Variants in PANX1 observed in about 807,000 individuals in gnomAD.
PANX1 encodes pannexin 1.
In PANX1, 30 loss-of-function variants were observed where a neutral mutation model predicts 38.7. The ratio of observed to expected loss-of-function variants is 0.78; its 90% CI spans 0.58 to 1.05. The LOEUF is 1.05. Ranked by LOEUF, PANX1 falls within the 50% of genes least tolerant of loss-of-function variation. The pLI is 0.00. For missense variants in PANX1, 551 were observed against 517.2 expected, an observed-to-expected ratio of 1.07 and a Z score of -0.63; for synonymous variants, 230 against 212.2, an observed-to-expected ratio of 1.08 and a Z score of -0.73.
intron 3 of PANX1, 114 bp downstream of exon 3, chr11:94,178,706 G>A (rs1947266101): frequency 1.3e-6 from 1 of 753,372 alleles, no homozygotes; most frequent in Non-Finnish European, 2.2e-6. Context: ...AGGAGTGGAA[G>A]CAGGGGGACG....
chr11:94,152,560 G>C (rs1450300485), intron 1 of PANX1, among the ~76,000 whole-genome samples: 1 of 151,776 alleles, frequency 6.6e-6, no homozygotes, highest in Non-Finnish European at 1.5e-5. Context: ...GAATGTGCCA[G>C]GTGGGGACAG....
At chr11:94,165,862 G>T (rs1591521254) in intron 2 of PANX1, among the ~76,000 whole-genome samples, 2 of 152,174 alleles carry the variant, frequency 1.3e-5, no homozygotes, top group African/African-American at 4.8e-5. Flanking sequence ...GCAGTGAGCT[G>T]AGATCGCACC....
At chr11:94,168,104 A>AT (rs200723786) in intron 2 of PANX1, among the ~76,000 whole-genome samples, 23 of 152,098 alleles carry the variant, frequency 1.5e-4, no homozygotes, top group East Asian at 7.7e-4. Flanking sequence ...TTTCTTCACA[A>AT]TTTTTTTTCC....
rs1947016663 is a variant in PANX1, at chr11:94,160,675, A to G, written c.321+7045A>G. ...GCACACTGATGGGTCTTGAGTCTTT[A>G]TCCAATTTGCCAGTCTGTGTCTTTT... On this transcript the variant is annotated intron_variant, in intron 2 of 4. Coordinates refer to ENST00000227638, the MANE Select transcript of PANX1 (RefSeq NM_015368.4). 2.6e-5 allele frequency among the ~76,000 whole-genome samples: 4 copies of G among 152,092 alleles called. No individual in the cohort carries two copies. The South Asian group carries it at 8.3e-4, about 32-fold the overall frequency.
chr11:94,172,020 CAAT>C (rs934809162), intron 2 of PANX1, among the ~76,000 whole-genome samples: 1 of 150,704 alleles, frequency 6.6e-6, no homozygotes, highest in Admixed American at 6.6e-5. Context: ...CTGAAAAAAA[CAAT>C]AAGAAAAACA....
At chr11:94,133,147 G>T (rs1946650744) in intron 1 of PANX1, among the ~76,000 whole-genome samples, 1 of 152,220 alleles carries the variant, frequency 6.6e-6, no homozygotes, top group Non-Finnish European at 1.5e-5. Context: ...CCAGCATGGT[G>T]GCTGCAGGTG....
At chr11:94,129,542 G>C in intron 1 of PANX1, 49 bp downstream of exon 1, 1 of 1,528,172 alleles carries the variant, frequency 6.5e-7, no homozygotes, top group East Asian at 2.3e-5. Flanking sequence ...GTCTGGCCCG[G>C]TGAGCTGCGA....
intron 1 of PANX1, among the ~76,000 whole-genome samples, chr11:94,140,087 A>G (rs1946744145): frequency 6.6e-6 from 1 of 152,240 alleles, no homozygotes; most frequent in Non-Finnish European, 1.5e-5. Flanking sequence ...GAAAAAGATT[A>G]CAACTTCCAG....
At chr11:94,148,019 C>G (rs1403056876) in intron 1 of PANX1, among the ~76,000 whole-genome samples, 1 of 151,858 alleles carries the variant, frequency 6.6e-6, no homozygotes, top group Admixed American at 6.6e-5. Context: ...CCAGGCTTAG[C>G]TGTGGGAAAG....
At chr11:94,145,355 A>C (rs1946816179) in intron 1 of PANX1, among the ~76,000 whole-genome samples, 1 of 152,240 alleles carries the variant, frequency 6.6e-6, no homozygotes, top group East Asian at 1.9e-4. Flanking sequence ...TGGTTTAAAA[A>C]AAAATTGCAT....
intron 2 of PANX1, chr11:94,175,605 C>G (rs1217892290): frequency 3.6e-6 from 1 of 278,706 alleles, no homozygotes; most frequent in Non-Finnish European, 5.4e-6. Flanking sequence ...AAAAAGTTTT[C>G]TCCCTGTGGT....
intron 3 of PANX1, among the ~76,000 whole-genome samples, chr11:94,179,305 G>C (rs1217044305): frequency 6.6e-6 from 1 of 152,106 alleles, no homozygotes; most frequent in Non-Finnish European, 1.5e-5. Flanking sequence ...GCCTGTAAGA[G>C]GCGTATGCTT....
At chr11:94,146,387 C>T (rs1946828882) in intron 1 of PANX1, among the ~76,000 whole-genome samples, 1 of 152,194 alleles carries the variant, frequency 6.6e-6, no homozygotes. Flanking sequence ...GTATTTGATT[C>T]ACCACTGGGT....
At chr11:94,159,649 C>A (rs1479834682) in intron 2 of PANX1, among the ~76,000 whole-genome samples, 1 of 151,858 alleles carries the variant, frequency 6.6e-6, no homozygotes, top group Non-Finnish European at 1.5e-5. Context: ...AGCGGTCTAT[C>A]AATTTTGTTG....
At position 94,181,916 on chromosome 11, in the gene PANX1, T is replaced by C. The variant is rs1272089066; in HGVS notation, c.*1047T>C. On this transcript the variant is annotated 3_prime_UTR_variant, in exon 5 of 5. Transcript: ENST00000227638. ...GAATTGAGGCCATTTGGGAAGAAAA[T>C]TCTAGCACTGGTGGAGAATTATAGA... 1.3e-5 allele frequency: 2 copies of C among 152,198 alleles called. No individual in the cohort carries two copies. The highest frequency in any genetic ancestry group is 4.8e-5 in the African/African-American group (2 of 41,446). The allele number at this position is 152,198 out of a possible 1,614,324, so 9.4% of individuals were successfully genotyped here. A position where few individuals can be genotyped will look rare whatever the true frequency, so the allele number is the denominator to read the frequency against.
At chr11:94,159,250 G>A (rs1006590112) in intron 2 of PANX1, among the ~76,000 whole-genome samples, 3 of 152,140 alleles carry the variant, frequency 2.0e-5, no homozygotes, top group East Asian at 3.9e-4. Flanking sequence ...TTGGTATCAG[G>A]ATGATGCTGG....
At chr11:94,134,104 G>T (rs1057326979) in intron 1 of PANX1, among the ~76,000 whole-genome samples, 13 of 152,208 alleles carry the variant, frequency 8.5e-5, no homozygotes, top group Non-Finnish European at 1.5e-4. Flanking sequence ...GTTATATTGC[G>T]TGTGCCTCAG....
chr11:94,149,916 A>G (rs1459910828), intron 1 of PANX1, among the ~76,000 whole-genome samples: 3 of 152,224 alleles, frequency 2.0e-5, no homozygotes, highest in Non-Finnish European at 4.4e-5. Flanking sequence ...AAGTTCAGAG[A>G]CAGAATATGT....
Position 94,129,439 on chromosome 11 carries a change from G to C in PANX1, c.127G>C (p.Val43Leu), listed in dbSNP as rs973173885. The C allele has an allele frequency of 6.2e-7, 1 of 1,613,878 alleles. No homozygotes were observed. ...GGACAAGATGGTCACGTGCATTGCG[G>C]TGGGGCTGCCCCTGCTGCTCATCTC... ...AVDKMVTCIA[V>L]GLPLLLISLA... The change falls in exon 1 of 5, where the codon GTG (valine) becomes CTG (leucine). Residue 43 changes from valine (V) to leucine (L), a missense_variant. Coordinates refer to ENST00000227638, the MANE Select transcript of PANX1 (RefSeq NM_015368.4).
Sources: allele counts gnomAD v4.1 joint callset (sites outside exome capture counted in the v4.1 genomes callset), GRCh38; gene constraint gnomAD v4.1.1; transcripts MANE v1.5; gene names NCBI Gene and HGNC (gene_info 2026-07-23, HGNC 2026-07-21).